Variants in ATG7 observed in about 807,000 individuals in gnomAD.
ATG7 encodes the protein autophagy related 7, also known as ubiquitin-like modifier-activating enzyme ATG7.
In ATG7, 70 loss-of-function variants were observed where a neutral mutation model predicts 82.4. That is an observed-to-expected ratio of 0.85 (90% CI 0.70 to 1.04). The LOEUF (loss-of-function observed/expected upper bound fraction) is 1.04. Among genes scored for constraint, ATG7 ranks in the 50% least tolerant of loss-of-function variants. ATG7 has a pLI of 0.00. For synonymous variants in ATG7, 287 were observed against 313.0 expected, an observed-to-expected ratio of 0.92 and a Z score of 0.88; for missense variants, 792 against 864.3, an observed-to-expected ratio of 0.92 and a Z score of 1.05.
At chr3:11,276,529 C>T (rs977943208) in intron 1 of ATG7, among the ~76,000 whole-genome samples, 2 of 151,764 alleles carry the variant, frequency 1.3e-5, no homozygotes, top group Non-Finnish European at 2.9e-5. Flanking sequence ...TCTAGAGTTG[C>T]TTCCTGTACT....
chr3:11,573,308 G>GA, the ATG7 span, among the ~76,000 whole-genome samples: 2 of 23,018 alleles, frequency 8.7e-5, no homozygotes, highest in East Asian at 1.4e-3. Flanking sequence ...AGAAAGAAAG[G>GA]AAGGAAGGAA....
chr3:11,376,918 T>G (rs902048629), intron 18 of ATG7, among the ~76,000 whole-genome samples: 5 of 152,120 alleles, frequency 3.3e-5, no homozygotes, highest in African/African-American at 1.2e-4. Flanking sequence ...TTTTTGTATT[T>G]TTAGTAGAGA....
At chr3:11,331,262 A>G in intron 9 of ATG7, 78 bp from the exon 10 acceptor site, 2 of 1,169,654 alleles carry the variant, frequency 1.7e-6, no homozygotes, top group Non-Finnish European at 2.5e-6. Context: ...AAAAAAGCAA[A>G]GAGGAAGTAT....
chr3:11,276,452 C>T (rs1941820172), intron 1 of ATG7, among the ~76,000 whole-genome samples: 1 of 152,096 alleles, frequency 6.6e-6, no homozygotes, highest in African/African-American at 2.4e-5. Flanking sequence ...AAACAAAAAC[C>T]CTCCAATTAA....
Position 11,554,941 on chromosome 3 carries a change from G to A in ATG7, c.*98G>A. 4 of 1,463,258 alleles carry A rather than the reference G, an allele frequency of 2.7e-6. No individual in the cohort carries two copies. Among genetic ancestry groups the A allele is most frequent in the Admixed American group, 2.0e-5 (1 of 49,046 alleles). The allele number at this position is 1,463,258 out of a possible 1,614,324, so 90.6% of individuals were successfully genotyped here. A position where few individuals can be genotyped will look rare whatever the true frequency, so the allele number is the denominator to read the frequency against. ...CTGACCCCAGGCCTGGTGATTCTGG[G>A]CCCCTCCTCCATACCCCGAGGTCTG... On this transcript the variant is annotated 3_prime_UTR_variant, in exon 21 of 21. Transcript: ENST00000693202.
chr3:11,527,025 A>G (rs1045122392), intron 20 of ATG7, among the ~76,000 whole-genome samples: 1 of 146,100 alleles, frequency 6.8e-6, no homozygotes, highest in African/African-American at 2.5e-5. Flanking sequence ...TAGTATATAT[A>G]TGTGTGTGTG....
intron 3 of ATG7, among the ~76,000 whole-genome samples, chr3:11,283,447 A>G (rs1031824552): frequency 6.6e-6 from 1 of 152,136 alleles, no homozygotes; most frequent in Non-Finnish European, 1.5e-5. Flanking sequence ...TAGAGTAGTT[A>G]TACCTGTCCT....
At chr3:11,537,519 A>C (rs1363735103) in intron 20 of ATG7, among the ~76,000 whole-genome samples, 1 of 152,200 alleles carries the variant, frequency 6.6e-6, no homozygotes, top group Non-Finnish European at 1.5e-5. Context: ...GACTTCCTTC[A>C]TAGAGCCCCA....
downstream of ATG7, chr3:11,559,539 G>T (rs988317011): frequency 1.4e-6 from 2 of 1,434,556 alleles, no homozygotes; most frequent in South Asian, 1.5e-5. Flanking sequence ...CACCCTTCAG[G>T]CTCTGTCCTG....
intron 20 of ATG7, among the ~76,000 whole-genome samples, chr3:11,542,631 T>G (rs1256587264): frequency 6.6e-6 from 1 of 152,162 alleles, no homozygotes; most frequent in Non-Finnish European, 1.5e-5. Flanking sequence ...TCATCTGGTC[T>G]TCCATATTTC....
chr3:11,522,688 A>G (rs144481586), intron 20 of ATG7, among the ~76,000 whole-genome samples: 2 of 152,314 alleles, frequency 1.3e-5, no homozygotes, highest in East Asian at 1.9e-4. Context: ...GGTCTACCCA[A>G]AGCTTTCAGT....
intron 19 of ATG7, among the ~76,000 whole-genome samples, chr3:11,383,230 T>C (rs1316496617): frequency 6.6e-6 from 1 of 152,208 alleles, no homozygotes; most frequent in East Asian, 1.9e-4. Flanking sequence ...TGTCTCTGGC[T>C]CCCTTCAATC....
At chr3:11,279,445 G>A (rs1470767463) in intron 1 of ATG7, among the ~76,000 whole-genome samples, 1 of 152,192 alleles carries the variant, frequency 6.6e-6, no homozygotes, top group Non-Finnish European at 1.5e-5. Flanking sequence ...CAGCACTTTG[G>A]GAGGCCGAGG....
intron 19 of ATG7, among the ~76,000 whole-genome samples, chr3:11,382,281 T>G (rs1393311635): frequency 6.6e-6 from 1 of 152,188 alleles, no homozygotes; most frequent in Non-Finnish European, 1.5e-5. Flanking sequence ...TATACACATA[T>G]ATATAGAGAG....
Position 11,342,262 on chromosome 3 carries a change from G to A in ATG7, c.1108G>A (p.Val370Ile). 2.5e-6 allele frequency: 4 copies of A among 1,613,392 alleles called. No homozygotes were observed. The highest frequency in any genetic ancestry group is 3.4e-6 in the Non-Finnish European group (4 of 1,179,952). ...LLGAGTLGCN[V>I]ARTLMGWGVR... ...TGGAGCCGGCACCTTGGGTTGCAAT[G>A]TAGCTAGGACGTTGATGGTAAGTCG... The change falls in exon 13 of 21, where the codon GTA becomes ATA. Residue 370 changes from valine to isoleucine, a missense_variant. Coordinates refer to ENST00000693202, the MANE Select transcript of ATG7 (RefSeq NM_001349232.2).
the ATG7 span, among the ~76,000 whole-genome samples, chr3:11,563,115 C>G: frequency 2.6e-5 from 4 of 152,240 alleles, no homozygotes; most frequent in African/African-American, 9.6e-5. Context: ...CAAGAACACA[C>G]TAAGCCCGCC....
intron 20 of ATG7, among the ~76,000 whole-genome samples, chr3:11,445,280 T>C (rs1340557597): frequency 6.6e-6 from 1 of 152,110 alleles, no homozygotes; most frequent in African/African-American, 2.4e-5. Flanking sequence ...CTATTCACAA[T>C]AGCGAAGACA....
At chr3:11,552,244 G>C (rs570988343) in intron 20 of ATG7, among the ~76,000 whole-genome samples, 1 of 152,280 alleles carries the variant, frequency 6.6e-6, no homozygotes, top group Admixed American at 6.5e-5. Context: ...CCTTAGGGTT[G>C]AATGTTTTTA....
At chr3:11,398,712 TGTTATGGCACATGCCTGTA>T (rs2079537896) in intron 19 of ATG7, among the ~76,000 whole-genome samples, 1 of 151,954 alleles carries the variant, frequency 6.6e-6, no homozygotes, top group South Asian at 2.1e-4. Flanking sequence ...AATTGCCAGG[TGTTATGGCACATGCCTGTA>T]GTCCTAGCTA....
Sources: allele counts gnomAD v4.1 joint callset (sites outside exome capture counted in the v4.1 genomes callset), GRCh38; gene constraint gnomAD v4.1.1; transcripts MANE v1.5; gene names NCBI Gene and HGNC (gene_info 2026-07-23, HGNC 2026-07-21).